The following LIPC variants were observed in gnomAD, a reference collection of about 807,000 sequenced individuals.
LIPC encodes the protein hepatic triacylglycerol lipase.
Under a neutral mutation model 50.7 loss-of-function variants are expected in LIPC, and 44 were observed. The ratio of observed to expected loss-of-function variants is 0.87; its 90% CI spans 0.68 to 1.11. The LOEUF is 1.11. Among genes scored for constraint, LIPC ranks in the 50% most tolerant of loss-of-function variants. The probability of loss-of-function intolerance (pLI) is 0.00; values close to 1 mark genes in which losing one functional copy is unlikely to be tolerated. For synonymous variants in LIPC, 271 were observed against 256.4 expected (o/e 1.06, Z -0.54); for missense variants, 697 against 648.2 (o/e 1.08, Z -0.82).
chr15:58,456,522 C>A (rs1207912660), intron 1 of LIPC, among the ~76,000 whole-genome samples: 6 of 152,246 alleles, frequency 3.9e-5, no homozygotes, highest in Non-Finnish European at 7.3e-5. Context: ...TCCCCTGATG[C>A]AGCCCAGAGG....
rs1416652078 is a variant in LIPC at position 58,481,833 on chromosome 15, T to C, written c.88+49713T>C. ...AGATAGAATAAAGTAGAAATGTATG[T>C]ACTTGTGTAGAATATTCTCCAAGAT... On this transcript the variant is annotated intron_variant, in intron 1 of 8. Transcript: ENST00000299022. 2.0e-5 allele frequency among the ~76,000 whole-genome samples: 3 copies of C among 152,140 alleles called. No individual in the cohort carries two copies. The South Asian group carries it at 6.2e-4, about 32-fold the overall frequency.
chr15:58,550,218 A>G (rs945191352), intron 6 of LIPC, among the ~76,000 whole-genome samples: 2 of 152,186 alleles, frequency 1.3e-5, no homozygotes, highest in Non-Finnish European at 2.9e-5. Flanking sequence ...TAAGAGGGGT[A>G]TGGAAGAGAA....
chr15:58,452,961 G>A (rs764640745), intron 1 of LIPC, among the ~76,000 whole-genome samples: 24 of 152,162 alleles, frequency 1.6e-4, no homozygotes, highest in Non-Finnish European at 2.8e-4. Context: ...GGGCCCTATC[G>A]GTGTGAGCCC....
chr15:58,471,333 G>GGGGGC (rs1566919621), intron 1 of LIPC, among the ~76,000 whole-genome samples: 1 of 138,060 alleles, frequency 7.2e-6, no homozygotes, highest in East Asian at 2.1e-4. Context: ...AGAGATGGGG[G>GGGGGC]GGGGTGGTCT....
rs114110612 is a variant in LIPC at position 58,488,874 on chromosome 15, G to C, written c.89-49459G>C. Among the ~76,000 whole-genome samples the C allele has an allele frequency of 3.3e-3, 504 of 152,264 alleles. 5 individuals are homozygous for C. The highest frequency in any genetic ancestry group is 0.011 in the African/African-American group (461 of 41,542). ...AATTCCCTATTACATCTCAGGATGG[G>C]AGAAAAACAGGATTTGGGAGTTCTG... is the stretch of plus-strand genomic sequence containing the variant. On this transcript the variant is annotated intron_variant, in intron 1 of 8. Coordinates refer to ENST00000299022, the MANE Select transcript of LIPC (RefSeq NM_000236.3).
At chr15:58,447,744 T>C (rs1195110892) in intron 1 of LIPC, among the ~76,000 whole-genome samples, 2 of 152,212 alleles carry the variant, frequency 1.3e-5, no homozygotes, top group Non-Finnish European at 2.9e-5. Context: ...GGATCCTGAA[T>C]TCCTAACAGT....
chr15:58,534,886 A>G (rs1000937343), intron 1 of LIPC, among the ~76,000 whole-genome samples: 4 of 152,174 alleles, frequency 2.6e-5, no homozygotes, highest in African/African-American at 4.8e-5. Flanking sequence ...ATTTTTGCCA[A>G]CTACTTCAAG....
At chr15:58,477,353 G>A (rs1381868808) in intron 1 of LIPC, among the ~76,000 whole-genome samples, 1 of 152,210 alleles carries the variant, frequency 6.6e-6, no homozygotes, top group Non-Finnish European at 1.5e-5. Context: ...CCACAGTTCC[G>A]GGGCTGGAGC....
At chr15:58,522,830 T>C (rs1379588373) in intron 1 of LIPC, 7 of 152,354 alleles carry the variant, frequency 4.6e-5, no homozygotes, top group African/African-American at 1.4e-4. Flanking sequence ...GACTTCTCAG[T>C]TTCCTCCAGA....
chr15:58,500,335 G>A (rs1405423216), intron 1 of LIPC, among the ~76,000 whole-genome samples: 2 of 152,178 alleles, frequency 1.3e-5, no homozygotes, highest in African/African-American at 4.8e-5. Context: ...CCAACAGATG[G>A]TGGTGATGAC....
chr15:58,534,296 A>G (rs140760309), intron 1 of LIPC, among the ~76,000 whole-genome samples: 28 of 152,362 alleles, frequency 1.8e-4, no homozygotes, highest in African/African-American at 6.7e-4. Context: ...GGGTGGGCAC[A>G]GCAGTGAGTC....
chr15:58,542,590 A>G lies in LIPC; in HGVS notation c.513A>G (p.Ala171=), dbSNP rs1398603063. 1 of 1,613,846 alleles carries G rather than the reference A, an allele frequency of 6.2e-7. No homozygotes were observed. The highest frequency in any genetic ancestry group is 1.1e-5 in the South Asian group (1 of 91,082). ...HVHLIGYSLG[A]HVSGFAGSSI... ...ACCTAATTGGGTACAGCCTGGGTGCACACGTGTCAGGATTTGCCGGCAGTT... is the reference window on the plus strand; with the variant it reads ...ACCTAATTGGGTACAGCCTGGGTGCGCACGTGTCAGGATTTGCCGGCAGTT... The change falls in exon 4 of 9, where the codon GCA becomes GCG. Residue 171 remains alanine, a synonymous_variant. Coordinates refer to ENST00000299022, the MANE Select transcript of LIPC (RefSeq NM_000236.3).
intron 1 of LIPC, among the ~76,000 whole-genome samples, chr15:58,433,899 A>G (rs549680308): frequency 6.6e-6 from 1 of 152,208 alleles, no homozygotes; most frequent in African/African-American, 2.4e-5. Context: ...TCTTTCTGCA[A>G]TGAGTGAGCC....
At chr15:58,559,763 C>A (rs1463569435) in intron 6 of LIPC, among the ~76,000 whole-genome samples, 8 of 151,568 alleles carry the variant, frequency 5.3e-5, no homozygotes, top group Non-Finnish European at 1.2e-4. Context: ...GGTCTGGAAG[C>A]TGGACCCTGC....
In LIPC at chr15:58,486,325, G is replaced by A. The variant is rs528798729; in HGVS notation, c.89-52008G>A. Among the ~76,000 whole-genome samples, 5 of 152,156 alleles carry A rather than the reference G, an allele frequency of 3.3e-5. No homozygotes were observed. The East Asian group carries it at 7.7e-4, about 23-fold the overall frequency. On this transcript the variant is annotated intron_variant, in intron 1 of 8. Coordinates refer to ENST00000299022, the MANE Select transcript of LIPC (RefSeq NM_000236.3). Reference sequence around the variant, plus strand: ...ATGACTGGGCCTAACGGATGTTCTGGTTTGTGGGACTTTGGGTAGTATATC... The same window carrying A: ...ATGACTGGGCCTAACGGATGTTCTGATTTGTGGGACTTTGGGTAGTATATC...
intron 1 of LIPC, among the ~76,000 whole-genome samples, chr15:58,437,336 T>C (rs1893336026): frequency 6.6e-6 from 1 of 152,110 alleles, no homozygotes; most frequent in Non-Finnish European, 1.5e-5. Flanking sequence ...ACAACTGGTC[T>C]TGCAGCTTTG....
chr15:58,453,199 A>G (rs182007), intron 1 of LIPC, among the ~76,000 whole-genome samples: 89,608 of 151,920 alleles, frequency 0.59, 27,136 homozygotes, highest in East Asian at 0.86. Context: ...GATGGCTAAA[A>G]CAGGCACAAC....
chr15:58,433,106 CACTAT>C (rs1249033880), intron 1 of LIPC, among the ~76,000 whole-genome samples: 8 of 152,276 alleles, frequency 5.3e-5, no homozygotes, highest in Admixed American at 3.9e-4. Context: ...CTGTGCCAAG[CACTAT>C]ACTAATTATT....
intron 1 of LIPC, among the ~76,000 whole-genome samples, chr15:58,449,183 C>A (rs1198795500): frequency 6.6e-6 from 1 of 152,200 alleles, no homozygotes; most frequent in Non-Finnish European, 1.5e-5. Context: ...GCGAGCACCC[C>A]ACGCTCAGCT....
Sources: gnomAD v4.1 joint callset for allele counts (sites outside exome capture counted in the v4.1 genomes callset) on GRCh38, gnomAD v4.1.1 for gene constraint, MANE v1.5 for transcripts, NCBI Gene and HGNC (gene_info 2026-07-23, HGNC 2026-07-21) for gene names.